The following GRIN2A variants were observed in gnomAD, a reference collection of about 807,000 sequenced individuals.
GRIN2A encodes glutamate ionotropic receptor NMDA type subunit 2A.
GRIN2A carries 22 observed loss-of-function variants against 113.4 expected under a neutral mutation model. The ratio of observed to expected loss-of-function variants is 0.19; its 90% confidence interval spans 0.14 to 0.28. The LOEUF (loss-of-function observed/expected upper bound fraction) is 0.28, where lower values mean the gene tolerates loss of function less well. Ranked by LOEUF, GRIN2A falls within the 10% of genes least tolerant of loss-of-function variation. The pLI is 1.00. For missense variants in GRIN2A, 1,502 were observed against 1,887.0 expected (o/e 0.80, Z 3.78); for synonymous variants, 827 against 738.4 (o/e 1.12, Z -1.94).
intron 2 of GRIN2A, among the ~76,000 whole-genome samples, chr16:10,145,946 C>T (rs185953329): frequency 6.6e-6 from 1 of 152,172 alleles, no homozygotes; most frequent in African/African-American, 2.4e-5. Flanking sequence ...ATAAGAACAG[C>T]ATTCAGTTAC....
At chr16:10,174,338 C>T (rs1197651324) in intron 2 of GRIN2A, among the ~76,000 whole-genome samples, 1 of 152,196 alleles carries the variant, frequency 6.6e-6, no homozygotes, top group Admixed American at 6.5e-5. Context: ...AGAGTACAAA[C>T]CTGAGCTGCT....
intron 5 of GRIN2A, 111 bp from the exon 6 acceptor site, chr16:9,841,215 G>C (rs1230940810): frequency 2.2e-6 from 2 of 907,860 alleles, no homozygotes; most frequent in East Asian, 2.6e-5. Context: ...AGTTTAAAAG[G>C]GGAAGTGGCT....
intron 2 of GRIN2A, among the ~76,000 whole-genome samples, chr16:10,031,740 G>A (rs557658248): frequency 3.0e-4 from 46 of 152,342 alleles, no homozygotes; most frequent in Admixed American, 6.5e-4. Flanking sequence ...AATCTTTAGT[G>A]GTTTCTTTCT....
intron 7 of GRIN2A, among the ~76,000 whole-genome samples, chr16:9,839,799 T>C (rs1168040243): frequency 6.6e-6 from 1 of 152,152 alleles, no homozygotes. Flanking sequence ...TTCAGCAGCT[T>C]TTTCCAAGTT....
At chr16:10,074,721 G>C (rs1002278421) in intron 2 of GRIN2A, among the ~76,000 whole-genome samples, 1 of 152,180 alleles carries the variant, frequency 6.6e-6, no homozygotes, top group Non-Finnish European at 1.5e-5. Flanking sequence ...GGTTTCTAGG[G>C]CTGGGGACAA....
chr16:10,176,755 G>A (rs1047670525), intron 2 of GRIN2A, among the ~76,000 whole-genome samples: 2 of 151,848 alleles, frequency 1.3e-5, no homozygotes, highest in East Asian at 1.9e-4. Flanking sequence ...TGTAAATGAC[G>A]AGTTAATGGG....
At position 9,901,501 on chromosome 16, in the gene GRIN2A, C is replaced by T. The variant is rs573996268; in HGVS notation, c.1008-10401G>A. ...TTTGAGACACAGTCTTGTCTGTCAC[C>T]CCAGCTGGAGTGCAATGGTGCGACC... On this transcript the variant is annotated intron_variant, in intron 3 of 12. Coordinates refer to ENST00000330684, the MANE Select transcript of GRIN2A (RefSeq NM_001134407.3). Among the ~76,000 whole-genome samples, 4 of 152,196 alleles carry T rather than the reference C, an allele frequency of 2.6e-5. No homozygotes were observed. In the East Asian group the frequency reaches 7.7e-4, roughly 29 times the overall value.
chr16:10,055,963 C>G (rs1300441650), intron 2 of GRIN2A, among the ~76,000 whole-genome samples: 1 of 152,204 alleles, frequency 6.6e-6, no homozygotes, highest in Admixed American at 6.5e-5. Context: ...TTTCACTAAG[C>G]ATACTCCAGG....
At chr16:10,021,599 A>C (rs1013224598) in intron 2 of GRIN2A, among the ~76,000 whole-genome samples, 7 of 152,190 alleles carry the variant, frequency 4.6e-5, no homozygotes, top group Non-Finnish European at 1.0e-4. Flanking sequence ...GATTGACAGG[A>C]GCGGAAGCAA....
chr16:10,021,048 C>T (rs568527287), intron 2 of GRIN2A, among the ~76,000 whole-genome samples: 1 of 152,272 alleles, frequency 6.6e-6, no homozygotes, highest in South Asian at 2.1e-4. Flanking sequence ...CTAATCAGCC[C>T]TAATTGGCTG....
intron 2 of GRIN2A, among the ~76,000 whole-genome samples, chr16:10,009,728 T>C (rs370181508): frequency 6.7e-6 from 1 of 149,050 alleles, no homozygotes; most frequent in African/African-American, 2.5e-5. Flanking sequence ...GTGTTCCCAG[T>C]GCCTTGCTCA....
chr16:10,008,492 C>G (rs1207273855), intron 2 of GRIN2A, among the ~76,000 whole-genome samples: 1 of 152,160 alleles, frequency 6.6e-6, no homozygotes, highest in East Asian at 1.9e-4. Context: ...CCAACAATAA[C>G]AATCAAAGGA....
intron 2 of GRIN2A, among the ~76,000 whole-genome samples, chr16:10,158,178 T>C (rs1344039343): frequency 6.6e-6 from 1 of 152,094 alleles, no homozygotes; most frequent in Non-Finnish European, 1.5e-5. Context: ...CTAATTTTCA[T>C]ATTTTTTGTA....
chr16:9,771,776 G>T (rs1901288828), intron 11 of GRIN2A, among the ~76,000 whole-genome samples: 1 of 152,088 alleles, frequency 6.6e-6, no homozygotes, highest in African/African-American at 2.4e-5. Flanking sequence ...ATGGTTCCAG[G>T]AATTTTCAAT....
At chr16:9,933,120 G>C (rs1408897017) in intron 3 of GRIN2A, among the ~76,000 whole-genome samples, 2 of 152,222 alleles carry the variant, frequency 1.3e-5, no homozygotes, top group East Asian at 3.8e-4. Context: ...ACATGGCTGA[G>C]CTATTTTTAA....
At chr16:10,177,201 T>C (rs1242635278) in intron 2 of GRIN2A, among the ~76,000 whole-genome samples, 2 of 152,254 alleles carry the variant, frequency 1.3e-5, no homozygotes, top group Non-Finnish European at 2.9e-5. Context: ...TATATGTTAC[T>C]AATGGAAGGA....
chr16:9,816,323 A>G (rs1180714839), intron 10 of GRIN2A, among the ~76,000 whole-genome samples: 1 of 152,178 alleles, frequency 6.6e-6, no homozygotes, highest in African/African-American at 2.4e-5. Flanking sequence ...CTCTCTTCCA[A>G]TTCTTCTAAC....
chr16:9,942,200 C>A (rs888074953), intron 2 of GRIN2A, among the ~76,000 whole-genome samples: 3 of 152,146 alleles, frequency 2.0e-5, no homozygotes, highest in Non-Finnish European at 2.9e-5. Flanking sequence ...TCTTAAAGCA[C>A]CCCTTTAACC....
intron 3 of GRIN2A, among the ~76,000 whole-genome samples, chr16:9,891,800 A>C (rs1213672923): frequency 2.0e-5 from 3 of 152,232 alleles, no homozygotes; most frequent in African/African-American, 7.2e-5. Context: ...TGTGGTGTGC[A>C]TACCAGGAAC....
Sources: allele counts gnomAD v4.1 joint callset (sites outside exome capture counted in the v4.1 genomes callset), GRCh38; gene constraint gnomAD v4.1.1; transcripts MANE v1.5; gene names NCBI Gene and HGNC (gene_info 2026-07-23, HGNC 2026-07-21).